Variants in SHQ1 observed in about 807,000 individuals in gnomAD.
SHQ1 encodes protein SHQ1 homolog.
Under a neutral mutation model 53.8 loss-of-function variants are expected in SHQ1, and 49 were observed. That is an observed-to-expected ratio of 0.91 (90% confidence interval 0.72 to 1.16). The LOEUF is 1.16. Ranked by LOEUF, SHQ1 falls within the 50% of genes most tolerant of loss-of-function variation. SHQ1 has a pLI of 0.00. For synonymous variants in SHQ1, 243 were observed against 251.0 expected, an observed-to-expected ratio of 0.97 and a Z score of 0.30; for missense variants, 738 against 683.1, an observed-to-expected ratio of 1.08 and a Z score of -0.90.
chr3:72,741,036 T>C, the SHQ1 span, among the ~76,000 whole-genome samples: 1 of 152,208 alleles, frequency 6.6e-6, no homozygotes, highest in Non-Finnish European at 1.5e-5. Context: ...CTCTTGCCTA[T>C]TTAGACAACC....
chr3:72,754,016 C>T (rs1200190565), intron 10 of SHQ1, among the ~76,000 whole-genome samples: 3 of 152,156 alleles, frequency 2.0e-5, no homozygotes, highest in Non-Finnish European at 4.4e-5. Flanking sequence ...AAAGTGGATA[C>T]TGCCTCTAAC....
At chr3:72,840,051 C>T (rs1050485117) in intron 4 of SHQ1, among the ~76,000 whole-genome samples, 4 of 151,862 alleles carry the variant, frequency 2.6e-5, no homozygotes, top group Admixed American at 2.0e-4. Flanking sequence ...CCACCACATC[C>T]GGCTAATTTG....
intron 5 of SHQ1, among the ~76,000 whole-genome samples, chr3:72,826,424 C>A (rs1386283039): frequency 6.6e-6 from 1 of 152,154 alleles, no homozygotes; most frequent in Non-Finnish European, 1.5e-5. Context: ...TAAACAATAA[C>A]AATAAATGGC....
intron 4 of SHQ1, 107 bp downstream of exon 4, chr3:72,840,938 C>T (rs1366152051): frequency 4.4e-5 from 57 of 1,292,220 alleles, no homozygotes; most frequent in Non-Finnish European, 5.7e-5. Context: ...ATACAATCAC[C>T]TCCTGTAATA....
intron 6 of SHQ1, among the ~76,000 whole-genome samples, chr3:72,821,579 A>T (rs1707481885): frequency 6.6e-6 from 1 of 152,202 alleles, no homozygotes; most frequent in Non-Finnish European, 1.5e-5. Context: ...AAAGCAATCT[A>T]GGTTAATATT....
chr3:72,809,325 A>C (rs887526510), intron 9 of SHQ1, among the ~76,000 whole-genome samples: 1 of 152,218 alleles, frequency 6.6e-6, no homozygotes, highest in African/African-American at 2.4e-5. Context: ...TCTTGTGACT[A>C]GAAGTGGTAA....
intron 10 of SHQ1, among the ~76,000 whole-genome samples, chr3:72,770,939 T>C (rs902471552): frequency 6.6e-6 from 1 of 152,208 alleles, no homozygotes; most frequent in Non-Finnish European, 1.5e-5. Context: ...TGTGCAAAGA[T>C]TGTGTCTGGA....
At chr3:72,783,505 G>A (rs1473369889) in intron 10 of SHQ1, among the ~76,000 whole-genome samples, 4 of 151,592 alleles carry the variant, frequency 2.6e-5, no homozygotes, top group South Asian at 2.1e-4. Context: ...GTTGAGACAC[G>A]GTCTCATTAT....
At chr3:72,755,792 G>A (rs1487283971) in intron 10 of SHQ1, among the ~76,000 whole-genome samples, 1 of 152,176 alleles carries the variant, frequency 6.6e-6, no homozygotes, top group African/African-American at 2.4e-5. Flanking sequence ...CTTAAGGTAG[G>A]TAGTAGTTTT....
chr3:72,828,051 G>A (rs180765469), intron 5 of SHQ1, among the ~76,000 whole-genome samples: 83 of 152,036 alleles, frequency 5.5e-4, no homozygotes, highest in African/African-American at 2.0e-3. Context: ...ACCATGCCCC[G>A]CCTTTTTCAA....
In SHQ1 at chr3:72,750,729, T is replaced by C; in HGVS notation, c.1289A>G (p.Gln430Arg). 1 of 1,559,044 alleles carries C rather than the reference T, an allele frequency of 6.4e-7. No individual in the cohort carries two copies. Among genetic ancestry groups the C allele is most frequent in the Non-Finnish European group, 8.7e-7 (1 of 1,150,618 alleles). ...EELEAAALLV[Q>R]EEETALKAAH... ...TGCTTTTAATGCAGTTTCTTCCTCC[T>C]GGACAAGCAGTGCTGCTGCTTCTAG... Residue 430 changes from glutamine to arginine, a missense_variant, in exon 11 of 11, where the codon CAG (glutamine) becomes CGG (arginine). Coordinates refer to ENST00000325599, the MANE Select transcript of SHQ1 (RefSeq NM_018130.3).
At chr3:72,846,853 T>C (rs995146328) in intron 1 of SHQ1, among the ~76,000 whole-genome samples, 5 of 152,196 alleles carry the variant, frequency 3.3e-5, no homozygotes. Flanking sequence ...ACAAATGAGA[T>C]AATCCGTATA....
intron 9 of SHQ1, among the ~76,000 whole-genome samples, chr3:72,805,036 G>A (rs1158227303): frequency 6.6e-6 from 1 of 152,200 alleles, no homozygotes; most frequent in African/African-American, 2.4e-5. Flanking sequence ...GGTATAGCCA[G>A]TATAGCATAT....
intron 10 of SHQ1, among the ~76,000 whole-genome samples, chr3:72,785,179 G>T (rs1706189372): frequency 6.6e-6 from 1 of 152,216 alleles, no homozygotes; most frequent in African/African-American, 2.4e-5. Context: ...GCAGCATCAT[G>T]CAAGACCATA....
intron 8 of SHQ1, among the ~76,000 whole-genome samples, chr3:72,813,104 C>T (rs1707175820): frequency 6.6e-6 from 1 of 152,104 alleles, no homozygotes; most frequent in African/African-American, 2.4e-5. Flanking sequence ...TACAGATGCA[C>T]ATAAAGGACA....
intron 5 of SHQ1, among the ~76,000 whole-genome samples, chr3:72,829,034 C>A (rs1707752146): frequency 6.7e-6 from 1 of 148,258 alleles, no homozygotes. Context: ...GGGCCAGAAA[C>A]TGATGAAGTG....
At chr3:72,840,242 TAAAAA>T (rs71623990) in intron 4 of SHQ1, among the ~76,000 whole-genome samples, 1 of 93,588 alleles carries the variant, frequency 1.1e-5, no homozygotes. Flanking sequence ...GACTCTGTCT[TAAAAA>T]AAAAAAAAAA....
chr3:72,825,507 T>C (rs1397677948), intron 5 of SHQ1, among the ~76,000 whole-genome samples: 1 of 152,176 alleles, frequency 6.6e-6, no homozygotes, highest in Non-Finnish European at 1.5e-5. Flanking sequence ...GCAACATTTG[T>C]AGAGAACAGA....
In SHQ1 at chr3:72,832,416, C is replaced by T; in HGVS notation, c.552G>A (p.Gln184=). Residue 184 remains glutamine (Q), a synonymous_variant, in exon 5 of 11, where the codon CAG becomes CAA. Coordinates refer to ENST00000325599, the MANE Select transcript of SHQ1 (RefSeq NM_018130.3). The part of the protein sequence containing the change: ...PDFTPAAERR[Q]KRLAAELAKF... ...TGGCCAGCTCAGCGGCCAGGCGCTT[C>T]TGTCTTCGTTCAGCTGCAGGGGTGA... The T allele has an allele frequency of 6.2e-7, 1 of 1,612,944 alleles. No homozygotes were observed.
Sources: allele counts gnomAD v4.1 joint callset (sites outside exome capture counted in the v4.1 genomes callset), GRCh38; gene constraint gnomAD v4.1.1; transcripts MANE v1.5; gene names NCBI Gene and HGNC (gene_info 2026-07-23, HGNC 2026-07-21).